The following FAM161B variants were observed in gnomAD, a reference collection of about 807,000 sequenced individuals.
FAM161B encodes protein FAM161B.
Under a neutral mutation model 61.5 loss-of-function variants are expected in FAM161B, and 46 were observed. That is an observed-to-expected ratio of 0.75 (90% CI 0.59 to 0.96). FAM161B has a LOEUF of 0.96. FAM161B is among the 40% of genes least tolerant of loss of function. The pLI is 0.00. For missense variants in FAM161B, 774 were observed against 800.7 expected, an observed-to-expected ratio of 0.97 and a Z score of 0.40; for synonymous variants, 284 against 302.7, an observed-to-expected ratio of 0.94 and a Z score of 0.64.
At chr14:73,938,237 T>TC in intron 5 of FAM161B, 125 bp from the exon 6 acceptor site, 1 of 1,049,806 alleles carries the variant, frequency 9.5e-7, no homozygotes, top group Non-Finnish European at 1.4e-6. Context: ...GGCAGGTGGA[T>TC]CACCTGAGGT....
chr14:73,930,537 G>T (rs77812429), downstream of FAM161B, among the ~76,000 whole-genome samples: 264 of 152,172 alleles, frequency 1.7e-3, 1 homozygote, highest in Middle Eastern at 3.4e-3. Flanking sequence ...TCAAGCTGAA[G>T]AATTTATTTG....
At position 73,942,680 on chromosome 14, in the gene FAM161B, T is replaced by A; in HGVS notation, c.961A>T (p.Arg321Ter). ...ELFRKIRIQM[R>*]ALDMLQMASS... is the part of the protein sequence containing the mutation. The stretch of plus-strand genomic sequence containing the variant: ...GCCATCTGGAGCATGTCCAGGGCTC[T>A]CATTTGGATGCGAATTTTCCTGAAG... The change falls in exon 4 of 9, where the codon AGA (arginine) becomes TGA (stop). Residue 321 changes from arginine to a stop codon, truncating the protein, a stop_gained. Coordinates refer to ENST00000286544, the MANE Select transcript of FAM161B (RefSeq NM_152445.3). LOFTEE classifies it high-confidence loss of function. 6.2e-7 allele frequency: 1 copy of A among 1,613,892 alleles called. No individual in the cohort carries two copies. Among genetic ancestry groups the A allele is most frequent in the East Asian group, 2.2e-5 (1 of 44,882 alleles).
intron 4 of FAM161B, among the ~76,000 whole-genome samples, chr14:73,941,396 A>G (rs1463288544): frequency 6.6e-6 from 1 of 152,124 alleles, no homozygotes; most frequent in Non-Finnish European, 1.5e-5. Context: ...TGCTGGGATT[A>G]CAGGTGTGAA....
At chr14:73,935,537 A>T (rs1566672536) in intron 8 of FAM161B, among the ~76,000 whole-genome samples, 1 of 105,904 alleles carries the variant, frequency 9.4e-6, no homozygotes, top group Non-Finnish European at 2.2e-5. Context: ...TCAAAAAAAA[A>T]ATACAAAAAA....
chr14:73,924,027 A>G, the FAM161B span, among the ~76,000 whole-genome samples: 1 of 152,202 alleles, frequency 6.6e-6, no homozygotes, highest in African/African-American at 2.4e-5. Flanking sequence ...ATCATTAAAC[A>G]TAATTATTGT....
chr14:73,934,022 G>T lies in FAM161B; in HGVS notation c.*234C>A. 1 of 389,456 alleles carries T rather than the reference G, an allele frequency of 2.6e-6. No homozygotes were observed. The highest frequency in any genetic ancestry group is 4.6e-6 in the Non-Finnish European group (1 of 218,386). 24.1% of individuals were successfully genotyped at this position (389,456 alleles called of 1,614,324 possible). A position where few individuals can be genotyped will look rare whatever the true frequency, so the allele number is the denominator to read the frequency against. ...TTTTTAGTAGAGGTGGAGTTTTGCCGTGTTGGCTGGACTGGTCTCAAACTC... is the reference window on the plus strand; with the variant it reads ...TTTTTAGTAGAGGTGGAGTTTTGCCTTGTTGGCTGGACTGGTCTCAAACTC... On this transcript the variant is annotated 3_prime_UTR_variant, in exon 9 of 9. Transcript: ENST00000286544.
chr14:73,931,212 C>T (rs532053028), downstream of FAM161B, among the ~76,000 whole-genome samples: 2 of 152,228 alleles, frequency 1.3e-5, no homozygotes, highest in East Asian at 3.9e-4. Flanking sequence ...TTAGAGATTC[C>T]TCTGTCACTG....
chr14:73,923,341 T>C, the FAM161B span: 11 of 1,576,710 alleles, frequency 7.0e-6, no homozygotes, highest in Non-Finnish European at 9.5e-6. Context: ...ATGATCCAGA[T>C]AGGTGTATCT....
chr14:73,928,815 G>A (rs2055870962), downstream of FAM161B, among the ~76,000 whole-genome samples: 1 of 152,122 alleles, frequency 6.6e-6, no homozygotes, highest in Admixed American at 6.6e-5. Flanking sequence ...AGGCATAGTG[G>A]TGCATACCTG....
chr14:73,927,158 T>C (rs528606097), downstream of FAM161B: 406 of 238,348 alleles, frequency 1.7e-3, 10 homozygotes, highest in South Asian at 0.015. Context: ...CCATCTCGGC[T>C]CACTGCAACC....
rs577403868 is a variant in FAM161B, at chr14:73,938,573, C to A, written c.1401-461G>T. Among the ~76,000 whole-genome samples, 27 of 151,988 alleles carry A rather than the reference C, an allele frequency of 1.8e-4. No homozygotes were observed. The East Asian group carries it at 4.9e-3, about 27-fold the overall frequency. On this transcript the variant is annotated intron_variant, in intron 5 of 8. Transcript: ENST00000286544. ...GGATCACAAGGTCAGGAGATCGAGA[C>A]TATCCTGGCTAACACTGTGAAACCC...
the FAM161B span, among the ~76,000 whole-genome samples, chr14:73,923,935 C>G: frequency 1.3e-5 from 2 of 152,226 alleles, no homozygotes; most frequent in East Asian, 3.9e-4. Context: ...CAGACAGGAG[C>G]AAGTATTTCC....
chr14:73,940,907 G>A lies in FAM161B; in HGVS notation c.1400+19C>T, dbSNP rs915887642. On this transcript the variant is annotated intron_variant, in intron 5 of 8. Transcript: ENST00000286544. Reference sequence around the variant, plus strand: ...GGGCCAGAATCAGAGCATGGGTCTCGTGCAGCCTGACCACTCACCTGACTG... The same window carrying A: ...GGGCCAGAATCAGAGCATGGGTCTCATGCAGCCTGACCACTCACCTGACTG... The A allele has an allele frequency of 5.6e-6, 9 of 1,601,298 alleles. No homozygotes were observed. Among genetic ancestry groups the A allele is most frequent in the Admixed American group, 1.7e-5 (1 of 57,606 alleles).
chr14:73,926,124 A>G, the FAM161B span, among the ~76,000 whole-genome samples: 1 of 152,158 alleles, frequency 6.6e-6, no homozygotes, highest in Non-Finnish European at 1.5e-5. Flanking sequence ...GAGTATTTCA[A>G]AGCAAATTGT....
rs2055996500 is a variant in FAM161B, at chr14:73,939,153, A to G, written c.1401-1041T>C. Among the ~76,000 whole-genome samples the G allele has an allele frequency of 2.6e-5, 4 of 152,068 alleles. 1 individual carries two copies. Among genetic ancestry groups the G allele is most frequent in the Admixed American group, 2.6e-4 (4 of 15,268 alleles). ...CTCTACCAAAACTACAAAAAAAATTAGCTGGGTGTAGTGGCACGTGCCGGT... is the reference window on the plus strand; with the variant it reads ...CTCTACCAAAACTACAAAAAAAATTGGCTGGGTGTAGTGGCACGTGCCGGT... On this transcript the variant is annotated intron_variant, in intron 5 of 8. Transcript: ENST00000286544.
intron 5 of FAM161B, among the ~76,000 whole-genome samples, chr14:73,939,161 G>A (rs1343987630): frequency 1.3e-5 from 2 of 152,066 alleles, no homozygotes; most frequent in African/African-American, 4.8e-5. Context: ...TTAGCTGGGT[G>A]TAGTGGCACG....
the FAM161B span, among the ~76,000 whole-genome samples, chr14:73,925,484 G>A: frequency 4.0e-5 from 6 of 151,520 alleles, no homozygotes; most frequent in Admixed American, 3.3e-4. Context: ...CTGGAGTGCA[G>A]TGGTGCGATC....
In FAM161B at chr14:73,944,571, T is replaced by TACCA. The variant is rs2056048112; in HGVS notation, c.688_689insTGGT (p.Tyr230LeufsTer54). 6.2e-7 allele frequency: 1 copy of TACCA among 1,613,816 alleles called. No individual in the cohort carries two copies. The highest frequency in any genetic ancestry group is 1.3e-5 in the African/African-American group (1 of 74,864). Reference sequence around the variant, plus strand: ...CTCGCTGCGCTCCATGATCTCTTGGTAGAGGGGCAGGTAGACATGTGCAGG... The same window carrying TACCA: ...CTCGCTGCGCTCCATGATCTCTTGGTACCAAGAGGGGCAGGTAGACATGTGCAGG... On this transcript the variant is annotated frameshift_variant, in exon 3 of 9. Transcript: ENST00000286544. LOFTEE classifies it high-confidence loss of function.
chr14:73,934,445 A>G, intron 8 of FAM161B, 51 bp from the exon 9 acceptor site: 1 of 1,556,462 alleles, frequency 6.4e-7, no homozygotes, highest in South Asian at 1.2e-5. Flanking sequence ...TTTTTCAGAC[A>G]GGGTCTCACT....
Sources: gnomAD v4.1 joint callset for allele counts (sites outside exome capture counted in the v4.1 genomes callset) on GRCh38, gnomAD v4.1.1 for gene constraint, MANE v1.5 for transcripts, NCBI Gene and HGNC (gene_info 2026-07-23, HGNC 2026-07-21) for gene names.